The following MAPK6 variants were observed in gnomAD, a reference collection of about 807,000 sequenced individuals.
MAPK6 encodes mitogen-activated protein kinase 6.
MAPK6 carries 19 observed loss-of-function variants against 59.3 expected under a neutral mutation model. The observed-to-expected ratio is 0.32, with a 90% CI of 0.22 to 0.47. MAPK6 has a LOEUF of 0.47. Ranked by LOEUF, MAPK6 falls within the 20% of genes least tolerant of loss-of-function variation. The pLI is 1.00. For missense variants in MAPK6, 724 were observed against 847.9 expected, an observed-to-expected ratio of 0.85 and a Z score of 1.81; for synonymous variants, 316 against 290.3, an observed-to-expected ratio of 1.09 and a Z score of -0.90.
chr15:52,037,178 T>C (rs1383278554), intron 1 of MAPK6, among the ~76,000 whole-genome samples: 1 of 152,112 alleles, frequency 6.6e-6, no homozygotes, highest in Non-Finnish European at 1.5e-5. Flanking sequence ...GTGCCTATAG[T>C]CCCAGCTACT....
intron 5 of MAPK6, among the ~76,000 whole-genome samples, chr15:52,063,467 CAG>C (rs1379206249): frequency 2.6e-5 from 4 of 152,294 alleles, no homozygotes; most frequent in Non-Finnish European, 4.4e-5. Context: ...CACGTATACA[CAG>C]GGAGATTTTT....
intron 2 of MAPK6, among the ~76,000 whole-genome samples, chr15:52,047,841 A>T (rs563206747): frequency 6.6e-6 from 1 of 152,170 alleles, no homozygotes; most frequent in African/African-American, 2.4e-5. Flanking sequence ...GCTTTGTTTA[A>T]ACTAAATTTA....
intron 2 of MAPK6, among the ~76,000 whole-genome samples, 161 bp from the exon 3 acceptor site, chr15:52,049,832 C>G (rs1466376050): frequency 6.6e-6 from 1 of 152,076 alleles, no homozygotes; most frequent in African/African-American, 2.4e-5. Flanking sequence ...AGACTGGTCT[C>G]GAACTCCCGA....
chr15:51,981,960 GA>G (rs1304017365), intron 1 of MAPK6, among the ~76,000 whole-genome samples: 3 of 152,114 alleles, frequency 2.0e-5, no homozygotes, highest in Non-Finnish European at 4.4e-5. Context: ...GAAGGGGATG[GA>G]AAAATAATTT....
chr15:52,034,254 G>A (rs542074752), intron 1 of MAPK6, among the ~76,000 whole-genome samples: 2 of 151,828 alleles, frequency 1.3e-5, no homozygotes, highest in East Asian at 3.9e-4. Context: ...CAAAGTGCTG[G>A]GATTATAGGC....
rs1238693861 is a variant in MAPK6 at position 52,006,148 on chromosome 15, A to G, written c.-632+1746A>G. Among the ~76,000 whole-genome samples, 8 of 152,232 alleles carry G rather than the reference A, an allele frequency of 5.3e-5. No individual in the cohort carries two copies. The East Asian group carries it at 1.5e-3, about 29-fold the overall frequency. On this transcript the variant is annotated intron_variant, in intron 3 of 7. Coordinates refer to the MAPK6 transcript ENST00000691380. ...GTGCTTTATTCTAAGAAAGAGACCC[A>G]TGAGTTATTGTTGACTGTTTCCTAA...
At chr15:52,062,471 C>T (rs1308659435) in intron 5 of MAPK6, among the ~76,000 whole-genome samples, 1 of 151,980 alleles carries the variant, frequency 6.6e-6, no homozygotes, top group African/African-American at 2.4e-5. Context: ...AATTGGATTT[C>T]TAGGAAAGTT....
In MAPK6 at chr15:51,980,017, G is replaced by A. The variant is rs377079484; in HGVS notation, c.-879-3189G>A. Among the ~76,000 whole-genome samples the A allele has an allele frequency of 1.3e-4, 20 of 151,792 alleles. No homozygotes were observed. In the East Asian group the frequency reaches 3.1e-3, roughly 23 times the overall value. On this transcript the variant is annotated intron_variant, in intron 1 of 7. Transcript: ENST00000691380. ...AATTAAAATTAGAAGTAGAAGGGCC[G>A]GGCGCGGTGGCTCACACCTGTAATC... is the stretch of plus-strand genomic sequence containing the variant.
intron 3 of MAPK6, among the ~76,000 whole-genome samples, chr15:52,058,165 C>G (rs955954164): frequency 2.7e-5 from 4 of 150,204 alleles, no homozygotes; most frequent in African/African-American, 1.0e-4. Flanking sequence ...CATTGCCTAA[C>G]AACCTAGAAA....
intron 2 of MAPK6, among the ~76,000 whole-genome samples, chr15:52,048,694 C>T (rs948995303): frequency 6.6e-6 from 1 of 152,050 alleles, no homozygotes; most frequent in Admixed American, 6.5e-5. Flanking sequence ...TTTAGGAGGC[C>T]GGGGCAGGAG....
At chr15:52,004,825 G>A (rs1341649594) in intron 3 of MAPK6, among the ~76,000 whole-genome samples, 4 of 152,164 alleles carry the variant, frequency 2.6e-5, no homozygotes, top group African/African-American at 9.7e-5. Context: ...CAACACTGCT[G>A]CATTGGGGAT....
chr15:51,997,296 G>C (rs962496299), intron 2 of MAPK6, among the ~76,000 whole-genome samples: 1 of 133,120 alleles, frequency 7.5e-6, no homozygotes, highest in Non-Finnish European at 1.5e-5. Context: ...TTTTGAAACA[G>C]AGTCTTGCTT....
chr15:51,991,811 GAGCTTGGAGAAC>G (rs1387198981), intron 2 of MAPK6, among the ~76,000 whole-genome samples: 1 of 152,242 alleles, frequency 6.6e-6, no homozygotes, highest in Non-Finnish European at 1.5e-5. Context: ...ATCCGGCACA[GAGCTTGGAGAAC>G]AGCTTGGAGC....
At chr15:52,008,596 C>A (rs965397469) in intron 3 of MAPK6, among the ~76,000 whole-genome samples, 2 of 152,214 alleles carry the variant, frequency 1.3e-5, no homozygotes, top group Non-Finnish European at 2.9e-5. Flanking sequence ...GCGTGCTCCA[C>A]TGCCACATCT....
chr15:52,051,282 C>T (rs1165628421), intron 3 of MAPK6, among the ~76,000 whole-genome samples: 1 of 152,080 alleles, frequency 6.6e-6, no homozygotes, highest in Non-Finnish European at 1.5e-5. Context: ...TGGTCTCGAT[C>T]TCCTGACCTC....
intron 1 of MAPK6, among the ~76,000 whole-genome samples, chr15:52,022,584 A>G (rs1298313523): frequency 6.6e-6 from 1 of 152,084 alleles, no homozygotes; most frequent in Non-Finnish European, 1.5e-5. Context: ...TGTTAATGTG[A>G]ATTAAATTTT....
chr15:52,046,368 C>A lies in MAPK6; in HGVS notation c.-93C>A. On this transcript the variant is annotated 5_prime_UTR_variant, in exon 2 of 6. Coordinates refer to ENST00000261845, the MANE Select transcript of MAPK6 (RefSeq NM_002748.4). Reference sequence around the variant, plus strand: ...TGGAAGCATAATTATTTTTCTTCTCCCTTTTTGAAAGATCTTTCCTTTTGA... The same window carrying A: ...TGGAAGCATAATTATTTTTCTTCTCACTTTTTGAAAGATCTTTCCTTTTGA... 1 of 946,282 alleles carries A rather than the reference C, an allele frequency of 1.1e-6. No homozygotes were observed. Among genetic ancestry groups the A allele is most frequent in the Non-Finnish European group, 1.6e-6 (1 of 618,956 alleles). 58.6% of individuals were successfully genotyped at this position (946,282 alleles called of 1,614,324 possible).
chr15:52,063,862 C>A (rs1566915783), intron 5 of MAPK6, 40 bp from the exon 6 acceptor site: 56 of 1,507,022 alleles, frequency 3.7e-5, no homozygotes, highest in Non-Finnish European at 4.7e-5. Flanking sequence ...AAAATGAAAT[C>A]ATATACGTAG....
chr15:52,062,563 G>A (rs536057314), intron 5 of MAPK6, among the ~76,000 whole-genome samples: 4 of 151,968 alleles, frequency 2.6e-5, no homozygotes, highest in South Asian at 2.1e-4. Flanking sequence ...TCAGGAGTTC[G>A]AGACCAGCCT....
Sources: gnomAD v4.1 joint callset for allele counts (sites outside exome capture counted in the v4.1 genomes callset) on GRCh38, gnomAD v4.1.1 for gene constraint, MANE v1.5 for transcripts, NCBI Gene and HGNC (gene_info 2026-07-23, HGNC 2026-07-21) for gene names.